Variants in ARHGAP15 observed in about 807,000 individuals in gnomAD.
The protein encoded by ARHGAP15 is rho GTPase-activating protein 15.
Under a neutral mutation model 63.7 loss-of-function variants are expected in ARHGAP15, and 51 were observed. That is an observed-to-expected ratio of 0.80 (90% confidence interval 0.64 to 1.01). The LOEUF is 1.01. Ranked by LOEUF, ARHGAP15 falls within the 50% of genes least tolerant of loss-of-function variation. The pLI, the probability that ARHGAP15 is intolerant of heterozygous loss-of-function variation, is 0.00. For missense variants in ARHGAP15, 560 were observed against 564.6 expected, an observed-to-expected ratio of 0.99 and a Z score of 0.08; for synonymous variants, 191 against 193.8, an observed-to-expected ratio of 0.99 and a Z score of 0.12.
At chr2:143,542,193 C>A (rs959083293) in intron 10 of ARHGAP15, among the ~76,000 whole-genome samples, 1 of 152,194 alleles carries the variant, frequency 6.6e-6, no homozygotes, top group Non-Finnish European at 1.5e-5. Flanking sequence ...GGGATATAAT[C>A]TGCTGGTGTG....
intron 8 of ARHGAP15, among the ~76,000 whole-genome samples, chr2:143,449,818 A>G (rs1386308908): frequency 6.6e-6 from 1 of 151,882 alleles, no homozygotes; most frequent in African/African-American, 2.4e-5. Context: ...TTTCATGTCT[A>G]CCTTTTTTTA....
intron 6 of ARHGAP15, among the ~76,000 whole-genome samples, chr2:143,417,928 A>G (rs1283517806): frequency 1.3e-5 from 2 of 152,236 alleles, no homozygotes; most frequent in African/African-American, 2.4e-5. Context: ...GGATAAAGGT[A>G]AAAACCTGGA....
intron 11 of ARHGAP15, among the ~76,000 whole-genome samples, chr2:143,567,122 C>A (rs959615553): frequency 3.3e-5 from 5 of 151,974 alleles, no homozygotes; most frequent in Non-Finnish European, 7.4e-5. Context: ...TGATCTGCCC[C>A]CCTCGGCCTC....
chr2:143,492,871 A>G (rs1486484546), intron 9 of ARHGAP15, among the ~76,000 whole-genome samples: 1 of 151,858 alleles, frequency 6.6e-6, no homozygotes, highest in Non-Finnish European at 1.5e-5. Flanking sequence ...CCTGGCTACC[A>G]TAGTGGAACC....
chr2:143,624,314 C>T (rs946171297), intron 12 of ARHGAP15, 47 bp downstream of exon 12: 1 of 1,560,356 alleles, frequency 6.4e-7, no homozygotes, highest in African/African-American at 1.4e-5. Flanking sequence ...ACCTGACATC[C>T]TGGAATTATT....
intron 9 of ARHGAP15, among the ~76,000 whole-genome samples, chr2:143,513,147 A>C (rs190480661): frequency 6.6e-6 from 1 of 152,304 alleles, no homozygotes; most frequent in Admixed American, 6.5e-5. Context: ...CTTTGCTGGT[A>C]ACTGGGGAAA....
intron 11 of ARHGAP15, among the ~76,000 whole-genome samples, chr2:143,558,624 A>G (rs1293939873): frequency 6.6e-6 from 1 of 152,196 alleles, no homozygotes; most frequent in Admixed American, 6.5e-5. Flanking sequence ...AAAAGGTAGG[A>G]CTTGAATCAT....
At chr2:143,346,233 C>G (rs1368135513) in intron 6 of ARHGAP15, among the ~76,000 whole-genome samples, 3 of 51,548 alleles carry the variant, frequency 5.8e-5, no homozygotes, top group African/African-American at 3.5e-4. Flanking sequence ...CACACACTCT[C>G]TCTCACACAC....
intron 13 of ARHGAP15, among the ~76,000 whole-genome samples, chr2:143,756,779 T>C (rs1349441413): frequency 6.6e-6 from 1 of 152,220 alleles, no homozygotes; most frequent in African/African-American, 2.4e-5. Flanking sequence ...TTGGTTTTTC[T>C]TCCATCTGAA....
intron 5 of ARHGAP15, among the ~76,000 whole-genome samples, chr2:143,230,970 T>C (rs1003353003): frequency 6.6e-6 from 1 of 151,988 alleles, no homozygotes; most frequent in Non-Finnish European, 1.5e-5. Flanking sequence ...GGTATTTTAG[T>C]CCTTATACAA....
intron 2 of ARHGAP15, among the ~76,000 whole-genome samples, chr2:143,200,328 G>C (rs1692058256): frequency 6.6e-6 from 1 of 151,568 alleles, no homozygotes; most frequent in Non-Finnish European, 1.5e-5. Flanking sequence ...GCAAATGTGG[G>C]GTTCCAGGTT....
At chr2:143,629,162 T>C (rs969981777) in intron 12 of ARHGAP15, among the ~76,000 whole-genome samples, 8 of 140,480 alleles carry the variant, frequency 5.7e-5, no homozygotes, top group African/African-American at 2.0e-4. Context: ...GGCATTTACT[T>C]TTTAAAATAA....
chr2:143,388,450 T>C (rs1206661943), intron 6 of ARHGAP15, among the ~76,000 whole-genome samples: 8 of 152,218 alleles, frequency 5.3e-5, no homozygotes, highest in Non-Finnish European at 7.3e-5. Context: ...GTAGAAATTA[T>C]GTGATACACT....
chr2:143,598,749 C>T (rs1697630307), intron 11 of ARHGAP15, among the ~76,000 whole-genome samples: 1 of 151,898 alleles, frequency 6.6e-6, no homozygotes, highest in South Asian at 2.1e-4. Flanking sequence ...TCCGTAAAAA[C>T]ATGAAAAATA....
chr2:143,539,027 T>G (rs2105038891), intron 10 of ARHGAP15, among the ~76,000 whole-genome samples: 1 of 152,326 alleles, frequency 6.6e-6, no homozygotes, highest in South Asian at 2.1e-4. Context: ...TTTTGGTTGG[T>G]AAGCTATTAA....
Position 143,166,139 on chromosome 2 carries a change from T to A in ARHGAP15, c.165+10484T>A, listed in dbSNP as rs151187109. 3.3e-4 allele frequency among the ~76,000 whole-genome samples: 50 copies of A among 152,222 alleles called. 1 individual carries two copies. In the East Asian group the frequency reaches 9.5e-3, roughly 29 times the overall value. On this transcript the variant is annotated intron_variant, in intron 2 of 13. Transcript: ENST00000295095. Reference sequence around the variant, plus strand: ...TTTTAGACAGGTTATTCATGTGACATCCCGATTATTCTCATCCACAACACA... The same window carrying A: ...TTTTAGACAGGTTATTCATGTGACAACCCGATTATTCTCATCCACAACACA...
At chr2:143,494,049 T>C (rs1692706303) in intron 9 of ARHGAP15, among the ~76,000 whole-genome samples, 2 of 152,184 alleles carry the variant, frequency 1.3e-5, no homozygotes, top group South Asian at 4.1e-4. Flanking sequence ...AGATAATGTA[T>C]ATAGTGGACA....
chr2:143,537,714 C>G (rs1694844934), intron 10 of ARHGAP15, among the ~76,000 whole-genome samples: 1 of 152,130 alleles, frequency 6.6e-6, no homozygotes, highest in African/African-American at 2.4e-5. Flanking sequence ...TTTCTGAGGG[C>G]TCTGTTCTGT....
At chr2:143,662,965 A>C (rs1283830463) in intron 12 of ARHGAP15, among the ~76,000 whole-genome samples, 4 of 143,102 alleles carry the variant, frequency 2.8e-5, no homozygotes, top group Admixed American at 1.4e-4. Context: ...TGATGGGGAG[A>C]ATGGAACCAA....
Sources: allele counts gnomAD v4.1 joint callset (sites outside exome capture counted in the v4.1 genomes callset), GRCh38; gene constraint gnomAD v4.1.1; transcripts MANE v1.5; gene names NCBI Gene and HGNC (gene_info 2026-07-23, HGNC 2026-07-21).